Variants in PDE4D observed in about 807,000 individuals in gnomAD.
The protein encoded by PDE4D is 3',5'-cyclic-AMP phosphodiesterase 4D.
In PDE4D, 24 loss-of-function variants were observed where a neutral mutation model predicts 87.4. The ratio of observed to expected loss-of-function variants is 0.27; its 90% CI spans 0.20 to 0.39. The LOEUF (loss-of-function observed/expected upper bound fraction) is 0.39. Ranked by LOEUF, PDE4D falls within the 10% of genes least tolerant of loss-of-function variation. The pLI, the probability that PDE4D is intolerant of heterozygous loss-of-function variation, is 1.00. For missense variants in PDE4D, 714 were observed against 1,041.0 expected, an observed-to-expected ratio of 0.69 and a Z score of 4.32; for synonymous variants, 384 against 383.2, an observed-to-expected ratio of 1.00 and a Z score of -0.02.
intron 1 of PDE4D, among the ~76,000 whole-genome samples, chr5:60,358,555 C>T (rs1162979551): frequency 6.6e-6 from 1 of 152,120 alleles, no homozygotes; most frequent in African/African-American, 2.4e-5. Context: ...TTTGGCTTCA[C>T]ACTCATAAGG....
At position 59,586,442 on chromosome 5, in the gene PDE4D, T is replaced by C. The variant is rs1030874746; in HGVS notation, c.455+306726A>G. On this transcript the variant is annotated intron_variant, in intron 1 of 14. Coordinates refer to ENST00000340635, the MANE Select transcript of PDE4D (RefSeq NM_001104631.2). ...CGTTACATGTAGTGATTTTTACAGA[T>C]GAATTCCAACTCTCTTGTTTGAGCA... 8 of 1,578,918 alleles carry C rather than the reference T, an allele frequency of 5.1e-6. No individual in the cohort carries two copies. The African/African-American group carries it at 9.5e-5, about 19-fold the overall frequency.
chr5:59,401,831 T>A (rs766874135), intron 1 of PDE4D, among the ~76,000 whole-genome samples: 1 of 152,188 alleles, frequency 6.6e-6, no homozygotes, highest in Non-Finnish European at 1.5e-5. Context: ...AGTTTCTGTT[T>A]ATTTACTTTG....
At chr5:59,756,833 T>C (rs1761308388) in intron 1 of PDE4D, among the ~76,000 whole-genome samples, 1 of 122,970 alleles carries the variant, frequency 8.1e-6, no homozygotes, top group Non-Finnish European at 1.7e-5. Flanking sequence ...TTTTTTGAAA[T>C]GGTATCTCCT....
chr5:59,830,751 A>G (rs920394114), intron 1 of PDE4D, among the ~76,000 whole-genome samples: 3 of 152,118 alleles, frequency 2.0e-5, no homozygotes, highest in African/African-American at 7.2e-5. Context: ...GCACATTCTT[A>G]TTTTATGAAT....
intron 1 of PDE4D, among the ~76,000 whole-genome samples, chr5:59,272,405 T>G (rs1027071777): frequency 1.3e-5 from 2 of 152,106 alleles, no homozygotes; most frequent in African/African-American, 4.8e-5. Context: ...ATATAACAAC[T>G]GACTAAATCT....
At chr5:60,520,019 T>C (rs189873643) in intron 1 of PDE4D, among the ~76,000 whole-genome samples, 36 of 152,290 alleles carry the variant, frequency 2.4e-4, no homozygotes, top group Non-Finnish European at 4.3e-4. Context: ...TTATTTTCTT[T>C]TTAAAAAGTA....
intron 2 of PDE4D, among the ~76,000 whole-genome samples, chr5:60,007,211 T>A (rs537626526): frequency 1.3e-5 from 2 of 152,074 alleles, no homozygotes; most frequent in East Asian, 3.9e-4. Flanking sequence ...CCCCAAACAA[T>A]GAAAACTGAA....
At chr5:60,319,257 T>G (rs894262252) in intron 1 of PDE4D, among the ~76,000 whole-genome samples, 2 of 152,242 alleles carry the variant, frequency 1.3e-5, no homozygotes, top group African/African-American at 2.4e-5. Context: ...ACTGATACCC[T>G]TTCTTCCAGT....
At chr5:59,673,680 CAA>C in intron 1 of PDE4D, among the ~76,000 whole-genome samples, 1 of 152,098 alleles carries the variant, frequency 6.6e-6, no homozygotes, top group South Asian at 2.1e-4. Context: ...CATTTTCTCT[CAA>C]AGCTCTGTAT....
At chr5:59,856,891 T>C (rs1186617427) in intron 1 of PDE4D, among the ~76,000 whole-genome samples, 2 of 152,064 alleles carry the variant, frequency 1.3e-5, no homozygotes, top group South Asian at 4.1e-4. Context: ...AGAAAATGAG[T>C]ATTAGTCCTT....
At chr5:59,392,257 T>G (rs1788380688) in intron 1 of PDE4D, among the ~76,000 whole-genome samples, 1 of 151,800 alleles carries the variant, frequency 6.6e-6, no homozygotes, top group Non-Finnish European at 1.5e-5. Flanking sequence ...TCTAATTAGC[T>G]GCCAGCGCTG....
At chr5:60,318,095 T>C (rs1359809782) in intron 1 of PDE4D, among the ~76,000 whole-genome samples, 3 of 152,126 alleles carry the variant, frequency 2.0e-5, no homozygotes, top group African/African-American at 7.2e-5. Context: ...GGTGTTAAAG[T>C]CTCCCATTAT....
At chr5:59,904,443 C>T (rs1195231045) in intron 3 of PDE4D, among the ~76,000 whole-genome samples, 1 of 152,152 alleles carries the variant, frequency 6.6e-6, no homozygotes, top group South Asian at 2.1e-4. Context: ...AGTTTAAATT[C>T]ATTAGCCTCC....
intron 2 of PDE4D, among the ~76,000 whole-genome samples, chr5:60,045,634 G>A (rs1435624369): frequency 1.3e-5 from 2 of 152,126 alleles, no homozygotes; most frequent in Admixed American, 6.6e-5. Flanking sequence ...TCTCCCCATT[G>A]CTTGTTTTTC....
intron 1 of PDE4D, among the ~76,000 whole-genome samples, chr5:59,858,396 G>A (rs960043149): frequency 6.6e-6 from 1 of 151,902 alleles, no homozygotes; most frequent in Non-Finnish European, 1.5e-5. Context: ...TATTCATTCT[G>A]AGCCCTCCCA....
chr5:60,323,425 A>G (rs1192146364), intron 1 of PDE4D, among the ~76,000 whole-genome samples: 1 of 152,126 alleles, frequency 6.6e-6, no homozygotes, highest in Non-Finnish European at 1.5e-5. Flanking sequence ...TGTTTAATCT[A>G]TCACTGATTT....
Position 59,738,003 on chromosome 5 carries a change from T to C in PDE4D, c.455+155165A>G, listed in dbSNP as rs9292211. On this transcript the variant is annotated intron_variant, in intron 1 of 14. Coordinates refer to ENST00000340635, the MANE Select transcript of PDE4D (RefSeq NM_001104631.2). ...CCTATTTTTCTATCAGTTCGTATTA[T>C]ACATTAAAGATTTATTATGCACTTG... is the stretch of plus-strand genomic sequence containing the variant. 5.3e-5 allele frequency among the ~76,000 whole-genome samples: 8 copies of C among 152,072 alleles called. No individual in the cohort carries two copies. The South Asian group carries it at 1.5e-3, about 28-fold the overall frequency.
intron 1 of PDE4D, among the ~76,000 whole-genome samples, chr5:59,757,009 G>A (rs902763187): frequency 6.6e-6 from 1 of 151,942 alleles, no homozygotes; most frequent in Non-Finnish European, 1.5e-5. Flanking sequence ...TGTTGAACAG[G>A]CTGGTCTAAA....
At chr5:59,544,541 C>T (rs1291596736) in intron 1 of PDE4D, among the ~76,000 whole-genome samples, 3 of 152,198 alleles carry the variant, frequency 2.0e-5, no homozygotes, top group Non-Finnish European at 4.4e-5. Context: ...CCGTCTATAA[C>T]ACAAAAGGAA....
Sources: allele counts gnomAD v4.1 joint callset (sites outside exome capture counted in the v4.1 genomes callset), GRCh38; gene constraint gnomAD v4.1.1; transcripts MANE v1.5; gene names NCBI Gene and HGNC (gene_info 2026-07-23, HGNC 2026-07-21).